ATP1A1: variants seen among roughly 807,000 people sequenced by gnomAD.
The protein encoded by ATP1A1 is ATPase Na+/K+ transporting subunit alpha 1.
Under a neutral mutation model 114.8 loss-of-function variants are expected in ATP1A1, and 14 were observed. That is an observed-to-expected ratio of 0.12 (90% CI 0.08 to 0.19). The LOEUF is 0.19. ATP1A1 is among the 10% of genes least tolerant of loss of function. ATP1A1 has a pLI of 1.00. For missense variants in ATP1A1, 524 were observed against 1,290.7 expected (o/e 0.41, Z 9.10); for synonymous variants, 471 against 466.3 (o/e 1.01, Z -0.13).
At position 116,401,031 on chromosome 1, in the gene ATP1A1, C is replaced by G; in HGVS notation, c.2718+25C>G. The G allele has an allele frequency of 6.2e-7, 1 of 1,613,814 alleles. No individual in the cohort carries two copies. The highest frequency in any genetic ancestry group is 8.5e-7 in the Non-Finnish European group (1 of 1,179,730). On this transcript the variant is annotated intron_variant, in intron 19 of 22. Transcript: ENST00000295598. This position sits in a 1 kb window ranked among gnomAD's most constrained non-coding sequence, Gnocchi z 4.7. ...GGTGAGTGGGCACCTCTGACCTGACCAGTGTCAGAGCTCCTCAAGCCCCAG... is the reference window on the plus strand; with the variant it reads ...GGTGAGTGGGCACCTCTGACCTGACGAGTGTCAGAGCTCCTCAAGCCCCAG...
In ATP1A1 at chr1:116,390,870, G is replaced by C; in HGVS notation, c.1311G>C (p.Gln437His). 3 of 1,614,088 alleles carry C rather than the reference G, an allele frequency of 1.9e-6. No individual in the cohort carries two copies. Among genetic ancestry groups the C allele is most frequent in the Non-Finnish European group, 2.5e-6 (3 of 1,179,938 alleles). The change falls in exon 10 of 23, where the codon CAG (glutamine) becomes CAC (histidine). Residue 437 changes from glutamine to histidine, a missense_variant. Around this residue, in one of 8 missense-constraint regions of ATP1A1, gnomAD observed 143 missense variants for 259.3 expected, o/e 0.55. Transcript: ENST00000295598. ...LCNRAVFQAN[Q>H]ENLPILKRAV... is the part of the protein sequence containing the mutation. ...ACAGGGCAGTGTTTCAGGCTAACCA[G>C]GAAAACCTACCTATTCTTAAGGTAT...
intron 1 of ATP1A1, among the ~76,000 whole-genome samples, chr1:116,382,973 C>T (rs1439259518): frequency 2.0e-5 from 3 of 152,174 alleles, no homozygotes; most frequent in Non-Finnish European, 4.4e-5. Context: ...GTGTCTGGAA[C>T]AAGGGGCTCT....
chr1:116,374,936 C>T (rs1163810238), intron 1 of ATP1A1, among the ~76,000 whole-genome samples: 2 of 152,130 alleles, frequency 1.3e-5, no homozygotes. Flanking sequence ...ATGCACAACT[C>T]GCCTCGCTTT....
In ATP1A1 at chr1:116,393,075, C is replaced by T; in HGVS notation, c.1467+87C>T. 1 of 1,541,538 alleles carries T rather than the reference C, an allele frequency of 6.5e-7. No individual in the cohort carries two copies. The highest frequency in any genetic ancestry group is 1.2e-5 in the South Asian group (1 of 80,038). On this transcript the variant is annotated intron_variant, in intron 11 of 22. Coordinates refer to ENST00000295598, the MANE Select transcript of ATP1A1 (RefSeq NM_000701.8). The surrounding 1 kb of genome is among the most constrained non-coding windows in gnomAD (Gnocchi z 5.0). ...CATGAGCAGGAAGAGGAAATATTCT[C>T]CCTTTGGAGTTTTATAAGCTTTAGC... is the stretch of plus-strand genomic sequence containing the variant.
rs776665972 is a variant in ATP1A1 at position 116,401,991 on chromosome 1, G to A, written c.2951+336G>A. On this transcript the variant is annotated intron_variant, in intron 21 of 22. Transcript: ENST00000295598. The surrounding 1 kb of genome is among the most constrained non-coding windows in gnomAD (Gnocchi z 4.7). ...GTCTTTAGAGGCCAACTGGGGGTAT[G>A]CTGGAGCGTAGGCGCCCAGGCTCAA... 4.0e-5 allele frequency: 10 copies of A among 250,600 alleles called. No individual in the cohort carries two copies. Among genetic ancestry groups the A allele is most frequent in the Non-Finnish European group, 7.5e-5 (10 of 132,482 alleles). 15.5% of individuals were successfully genotyped at this position (250,600 alleles called of 1,614,324 possible). A position where few individuals can be genotyped will look rare whatever the true frequency, so the allele number is the denominator to read the frequency against.
intron 1 of ATP1A1, 140 bp downstream of exon 1, chr1:116,373,663 G>A: frequency 9.1e-7 from 1 of 1,101,348 alleles, no homozygotes; most frequent in Non-Finnish European, 1.2e-6. Context: ...AGAGCCGCGC[G>A]GCTTAAAAGA....
chr1:116,384,771 G>C lies in ATP1A1; in HGVS notation c.124-12G>C. On this transcript the variant is annotated splice_polypyrimidine_tract_variant and intron_variant, in intron 2 of 22. Transcript: ENST00000295598. The surrounding 1 kb of genome is among the most constrained non-coding windows in gnomAD (Gnocchi z 5.1). ...CTGTTTAACTATTTTCTTTGTTTCT[G>C]TTTTCCCTTAGGATGATCATAAACT... is the stretch of plus-strand genomic sequence containing the variant. 1.9e-6 allele frequency: 3 copies of C among 1,599,766 alleles called. No homozygotes were observed. The highest frequency in any genetic ancestry group is 2.6e-6 in the Non-Finnish European group (3 of 1,174,626).
At chr1:116,394,964 C>A in intron 12 of ATP1A1, 146 bp from the exon 13 acceptor site, 1 of 750,382 alleles carries the variant, frequency 1.3e-6, no homozygotes, top group Non-Finnish European at 2.1e-6. Context: ...TTAAATAAAA[C>A]CCTCACTCTG....
At chr1:116,402,082 C>G (rs921699241) in intron 21 of ATP1A1, 1 of 166,870 alleles carries the variant, frequency 6.0e-6, no homozygotes, top group African/African-American at 2.4e-5. Context: ...ACTCTGAATA[C>G]TCTGCTCTCA....
In ATP1A1 at chr1:116,393,696, C is replaced by T. The variant is rs1393948794; in HGVS notation, c.1633C>T (p.Leu545=). Residue 545 remains leucine (L), a synonymous_variant, in exon 12 of 23, where the codon CTG becomes TTG. Transcript: ENST00000295598. This position sits in a 1 kb window ranked among gnomAD's most constrained non-coding sequence, Gnocchi z 5.0. ...CGCCTTTCAGAACGCCTATTTGGAG[C>T]TGGGGGGCCTCGGAGAACGAGTCCT... ...KDAFQNAYLE[L]GGLGERVLGF... is the part of the protein sequence containing the mutation. 1 of 1,613,556 alleles carries T rather than the reference C, an allele frequency of 6.2e-7. No homozygotes were observed. Among genetic ancestry groups the T allele is most frequent in the African/African-American group, 1.3e-5 (1 of 74,922 alleles).
intron 13 of ATP1A1, 86 bp from the exon 14 acceptor site, chr1:116,396,512 T>C: frequency 6.7e-7 from 1 of 1,499,670 alleles, no homozygotes; most frequent in Non-Finnish European, 9.1e-7. Context: ...GAATCATCCT[T>C]AGTATTTACT....
At position 116,390,324 on chromosome 1, in the gene ATP1A1, G is replaced by A. The variant is rs1289108099; in HGVS notation, c.1135G>A (p.Gly379Arg). The stretch of plus-strand genomic sequence containing the variant: ...GTCCACCATCTGCTCTGATAAAACT[G>A]GAACTCTGACTCAGAACCGGATGAC... Reference protein sequence around the residue: ...STSTICSDKTGTLTQNRMTVA... With the variant: ...STSTICSDKTRTLTQNRMTVA... Residue 379 changes from glycine to arginine, a missense_variant, in exon 9 of 23, where the codon GGA (glycine) becomes AGA (arginine). By Grantham distance (125) the Gly-to-Arg change is moderately radical. Coordinates refer to ENST00000295598, the MANE Select transcript of ATP1A1 (RefSeq NM_000701.8). The A allele has an allele frequency of 6.2e-7, 1 of 1,614,092 alleles. No individual in the cohort carries two copies.
intron 9 of ATP1A1, 94 bp downstream of exon 9, chr1:116,390,505 TAAGCTCATGGCAGC>T: frequency 8.0e-6 from 10 of 1,249,688 alleles, no homozygotes; most frequent in Non-Finnish European, 1.1e-5. Flanking sequence ...TTTTTTTTTT[TAAGCTCATGGCAGC>T]TTTTTCTTTC....
chr1:116,387,965 CT>C lies in ATP1A1; in HGVS notation c.388-164del, dbSNP rs1652207290. 6.6e-6 allele frequency among the ~76,000 whole-genome samples: 1 copy of C among 152,206 alleles called. No individual in the cohort carries two copies. Among genetic ancestry groups the C allele is most frequent in the South Asian group, 2.1e-4 (1 of 4,830 alleles). ...GGTGTGCCTGACTCCATTTCTGACCCTTCCTGTGTGGTCTTTAGAAGGATAA... is the reference window on the plus strand; with the variant it reads ...GGTGTGCCTGACTCCATTTCTGACCCTCCTGTGTGGTCTTTAGAAGGATAA... On this transcript the variant is annotated intron_variant, in intron 4 of 22. Coordinates refer to ENST00000295598, the MANE Select transcript of ATP1A1 (RefSeq NM_000701.8). The surrounding 1 kb of genome is among the most constrained non-coding windows in gnomAD (Gnocchi z 6.7).
At chr1:116,390,047 AG>A in intron 8 of ATP1A1, 165 bp from the exon 9 acceptor site, 2 of 747,404 alleles carry the variant, frequency 2.7e-6, no homozygotes, top group Admixed American at 2.5e-5. Context: ...TCTGGAAGGA[AG>A]GGGAAGCCTC....
chr1:116,374,137 C>A, intron 1 of ATP1A1: 2 of 1,545,972 alleles, frequency 1.3e-6, no homozygotes, highest in Non-Finnish European at 1.7e-6. Context: ...GCAGAGGCGG[C>A]CGCCCTCCCC....
rs148590866 is a variant in ATP1A1 at position 116,398,475 on chromosome 1, C to G, written c.2125-146C>G. 22 of 1,022,562 alleles carry G rather than the reference C, an allele frequency of 2.2e-5. No individual in the cohort carries two copies. The South Asian group carries it at 2.8e-4, about 13-fold the overall frequency. The allele number at this position is 1,022,562 out of a possible 1,614,324, so 63.3% of individuals were successfully genotyped here. On this transcript the variant is annotated intron_variant, in intron 15 of 22. Coordinates refer to ENST00000295598, the MANE Select transcript of ATP1A1 (RefSeq NM_000701.8). The surrounding 1 kb of genome is among the most constrained non-coding windows in gnomAD (Gnocchi z 6.1). ...GGTGTAGGGCCTGTGTGAATACTTGCCTGTGACGGTTCTCAGGCTTCATAA... is the reference window on the plus strand; with the variant it reads ...GGTGTAGGGCCTGTGTGAATACTTGGCTGTGACGGTTCTCAGGCTTCATAA...
chr1:116,380,904 A>G (rs905862407), intron 1 of ATP1A1, among the ~76,000 whole-genome samples: 9 of 151,912 alleles, frequency 5.9e-5, no homozygotes, highest in South Asian at 2.1e-4. Flanking sequence ...GTGACTTTCC[A>G]CTTCCTAAAT....
chr1:116,401,090 G>A lies in ATP1A1; in HGVS notation c.2719-40G>A. The A allele has an allele frequency of 1.2e-6, 2 of 1,613,002 alleles. No homozygotes were observed. Among genetic ancestry groups the A allele is most frequent in the South Asian group, 1.1e-5 (1 of 91,080 alleles). ...GGCCACACTGCCACCAGCCATGCAG[G>A]TGAAGAGCCAGAGCTCATCTTCTGT... On this transcript the variant is annotated intron_variant, in intron 19 of 22. Coordinates refer to ENST00000295598, the MANE Select transcript of ATP1A1 (RefSeq NM_000701.8). The surrounding 1 kb of genome is among the most constrained non-coding windows in gnomAD (Gnocchi z 4.7).
Sources: gnomAD v4.1 joint callset for allele counts (sites outside exome capture counted in the v4.1 genomes callset) on GRCh38, gnomAD v4.1.1 for gene constraint, gnomAD v4.1.1 regional missense constraint, Gnocchi (gnomAD v3.1) non-coding constraint, MANE v1.5 for transcripts, NCBI Gene and HGNC (gene_info 2026-07-23, HGNC 2026-07-21) for gene names.